Variants in ALCAM observed in about 807,000 individuals in gnomAD.
ALCAM encodes CD166 antigen.
In ALCAM, 30 loss-of-function variants were observed where a neutral mutation model predicts 70.9. That is an observed-to-expected ratio of 0.42 (90% CI 0.32 to 0.57). The LOEUF is 0.57. ALCAM is among the 20% of genes least tolerant of loss of function. The pLI is 0.11. For missense variants in ALCAM, 591 were observed against 695.1 expected (o/e 0.85, Z 1.68); for synonymous variants, 249 against 242.5 (o/e 1.03, Z -0.25).
At chr3:105,517,809 A>G (rs1939420917) in intron 1 of ALCAM, among the ~76,000 whole-genome samples, 1 of 152,144 alleles carries the variant, frequency 6.6e-6, no homozygotes, top group African/African-American at 2.4e-5. Flanking sequence ...AGTGTTGTCA[A>G]CTGCTCTCTG....
At chr3:105,473,175 T>A (rs971103688) in intron 1 of ALCAM, among the ~76,000 whole-genome samples, 3 of 151,374 alleles carry the variant, frequency 2.0e-5, no homozygotes, top group Non-Finnish European at 3.0e-5. Flanking sequence ...ATGTAAAAAA[T>A]ATATATATAT....
intron 1 of ALCAM, among the ~76,000 whole-genome samples, chr3:105,450,074 G>C (rs2152590329): frequency 6.6e-6 from 1 of 152,236 alleles, no homozygotes; most frequent in South Asian, 2.1e-4. Context: ...TCTGGGCACT[G>C]TTTCTTCCAT....
At chr3:105,525,005 C>T in intron 3 of ALCAM, 1 of 920,692 alleles carries the variant, frequency 1.1e-6, no homozygotes, top group Non-Finnish European at 1.3e-6. Context: ...TATATATCCA[C>T]ATATATAAAT....
chr3:105,377,355 G>A (rs1935404350), intron 1 of ALCAM, among the ~76,000 whole-genome samples: 1 of 152,062 alleles, frequency 6.6e-6, no homozygotes, highest in Non-Finnish European at 1.5e-5. Context: ...TTGGTAAAAT[G>A]TCTTGGAAGT....
At chr3:105,520,008 A>C in intron 1 of ALCAM, 59 bp from the exon 2 acceptor site, 1 of 1,095,214 alleles carries the variant, frequency 9.1e-7, no homozygotes, top group Non-Finnish European at 1.4e-6. Flanking sequence ...TCAAGAAAGC[A>C]TTTAAAATTT....
chr3:105,543,426 A>G (rs1174376099), intron 8 of ALCAM, among the ~76,000 whole-genome samples: 3 of 151,746 alleles, frequency 2.0e-5, no homozygotes, highest in Admixed American at 2.0e-4. Context: ...AAAGTATTTC[A>G]AGTAAATCAA....
In ALCAM at chr3:105,465,858, G is replaced by A. The variant is rs9813208; in HGVS notation, c.74-54209G>A. ...TTAAATCTGACCAGAAGTCTAGACC[G>A]CTGTGCATTGCCAGAGGTAAATAGA... On this transcript the variant is annotated intron_variant, in intron 1 of 15. Coordinates refer to ENST00000306107, the MANE Select transcript of ALCAM (RefSeq NM_001627.4). 2.9e-3 allele frequency among the ~76,000 whole-genome samples: 435 copies of A among 151,324 alleles called. 4 individuals are homozygous for A. Among genetic ancestry groups the A allele is most frequent in the African/African-American group, 9.8e-3 (407 of 41,390 alleles).
chr3:105,545,334 A>G lies in ALCAM; in HGVS notation c.1103A>G (p.Lys368Arg). ...ASRNATVVWM[K>R]DNIRLRSSPS... ...AGGAATGCAACTGTGGTATGGATGA[A>G]AGTAAGTAATATTTTTGGTACTACC... is the stretch of plus-strand genomic sequence containing the variant. The change falls in exon 9 of 16, where the codon AAA becomes AGA. Residue 368 changes from lysine to arginine, a missense_variant and splice_region_variant. By Grantham distance (26) the Lys-to-Arg change is conservative. Coordinates refer to ENST00000306107, the MANE Select transcript of ALCAM (RefSeq NM_001627.4). The G allele has an allele frequency of 6.2e-7, 1 of 1,601,558 alleles. No individual in the cohort carries two copies.
At chr3:105,534,957 G>A (rs1939933597) in intron 6 of ALCAM, 112 bp downstream of exon 6, 3 of 1,055,450 alleles carry the variant, frequency 2.8e-6, no homozygotes, top group Non-Finnish European at 4.0e-6. Context: ...CTTCCAGTCT[G>A]CACCCCAAAT....
intron 3 of ALCAM, among the ~76,000 whole-genome samples, chr3:105,529,021 A>C (rs1939774414): frequency 1.3e-5 from 2 of 152,198 alleles, no homozygotes; most frequent in South Asian, 4.1e-4. Flanking sequence ...ACACACACAC[A>C]CACCTTGTAA....
intron 1 of ALCAM, among the ~76,000 whole-genome samples, chr3:105,385,837 A>T (rs1203606423): frequency 1.3e-5 from 2 of 151,690 alleles, no homozygotes; most frequent in Non-Finnish European, 3.0e-5. Flanking sequence ...AAAGAATGTT[A>T]CTTAATAGTA....
chr3:105,553,145 C>T (rs1448639722), intron 14 of ALCAM: 4 of 938,302 alleles, frequency 4.3e-6, no homozygotes, highest in Non-Finnish European at 5.1e-6. Context: ...ACCAACACTA[C>T]ATTAAAAATG....
At chr3:105,574,105 T>A (rs975506532) in intron 15 of ALCAM, among the ~76,000 whole-genome samples, 1 of 152,200 alleles carries the variant, frequency 6.6e-6, no homozygotes, top group Non-Finnish European at 1.5e-5. Context: ...TTTTAACTAC[T>A]GTTTTCTTCA....
chr3:105,476,314 T>G (rs1418327162), intron 1 of ALCAM, among the ~76,000 whole-genome samples: 1 of 152,084 alleles, frequency 6.6e-6, no homozygotes, highest in Non-Finnish European at 1.5e-5. Context: ...CCTCTAAATG[T>G]TTCCATTCAC....
At position 105,498,433 on chromosome 3, in the gene ALCAM, A is replaced by T. The variant is rs549105008; in HGVS notation, c.74-21634A>T. ...CAGGTCTCAACACTACATAGAGAAG[A>T]ATAATGACATTTGTCTTGAGTTTGG... On this transcript the variant is annotated intron_variant, in intron 1 of 15. Transcript: ENST00000306107. Among the ~76,000 whole-genome samples the T allele has an allele frequency of 2.0e-5, 3 of 152,300 alleles. No homozygotes were observed. In the East Asian group the frequency reaches 5.8e-4, roughly 29 times the overall value.
At chr3:105,466,219 C>A (rs1463544142) in intron 1 of ALCAM, among the ~76,000 whole-genome samples, 1 of 151,274 alleles carries the variant, frequency 6.6e-6, no homozygotes, top group Non-Finnish European at 1.5e-5. Context: ...GGTCTAGATT[C>A]CCCCAATTTT....
Position 105,536,394 on chromosome 3 carries a change from C to T in ALCAM, c.730+1549C>T, listed in dbSNP as rs374037701. Among the ~76,000 whole-genome samples, 36 of 152,102 alleles carry T rather than the reference C, an allele frequency of 2.4e-4. 2 individuals carry two copies. Among genetic ancestry groups the T allele is most frequent in the African/African-American group, 8.4e-4 (35 of 41,516 alleles). On this transcript the variant is annotated intron_variant, in intron 6 of 15. Transcript: ENST00000306107. ...CAGGTGTGAGCCACCAAGCCCGGCCCAGAATTCTTTCTGTTAGAAATATTC... is the reference window on the plus strand; with the variant it reads ...CAGGTGTGAGCCACCAAGCCCGGCCTAGAATTCTTTCTGTTAGAAATATTC...
chr3:105,432,380 T>A (rs942782968), intron 1 of ALCAM, among the ~76,000 whole-genome samples: 5 of 152,138 alleles, frequency 3.3e-5, no homozygotes, highest in African/African-American at 1.2e-4. Context: ...ATATCTCAAG[T>A]TCTAAATACA....
intron 1 of ALCAM, among the ~76,000 whole-genome samples, chr3:105,398,753 A>T (rs1936013747): frequency 6.6e-6 from 1 of 152,102 alleles, no homozygotes; most frequent in East Asian, 1.9e-4. Context: ...GCCATTTATA[A>T]AGAAGCTGGT....
Sources: allele counts gnomAD v4.1 joint callset (sites outside exome capture counted in the v4.1 genomes callset), GRCh38; gene constraint gnomAD v4.1.1; transcripts MANE v1.5; gene names NCBI Gene and HGNC (gene_info 2026-07-23, HGNC 2026-07-21).